Variants in TRUB1 observed in about 807,000 individuals in gnomAD.
TRUB1 encodes the protein pseudouridylate synthase TRUB1.
Under a neutral mutation model 33.9 loss-of-function variants are expected in TRUB1, and 23 were observed. That is an observed-to-expected ratio of 0.68 (90% CI 0.49 to 0.96). The LOEUF (loss-of-function observed/expected upper bound fraction) is 0.96, where lower values mean the gene tolerates loss of function less well. TRUB1 is among the 40% of genes least tolerant of loss of function. The pLI, the probability that TRUB1 is intolerant of heterozygous loss-of-function variation, is 0.00. For synonymous variants in TRUB1, 163 were observed against 165.4 expected (o/e 0.99, Z 0.11); for missense variants, 378 against 422.2 (o/e 0.90, Z 0.92).
rs375970432 is a variant in TRUB1 at position 114,956,285 on chromosome 10, A to G, written c.442-3441A>G. ...ACATTGTAATGAATACAGTAGTAGA[A>G]TTCACGGTTCCCAGGTATACGTCTT... On this transcript the variant is annotated intron_variant, in intron 3 of 7. Transcript: ENST00000298746. 3.0e-4 allele frequency among the ~76,000 whole-genome samples: 46 copies of G among 152,334 alleles called. 1 individual carries two copies. In the East Asian group the frequency reaches 4.4e-3, roughly 15 times the overall value.
At chr10:114,947,364 C>T (rs2084215718) in intron 2 of TRUB1, among the ~76,000 whole-genome samples, 1 of 152,040 alleles carries the variant, frequency 6.6e-6, no homozygotes, top group East Asian at 1.9e-4. Flanking sequence ...AATTTGTTAA[C>T]AGTAGCAATA....
chr10:114,974,442 TG>T, intron 7 of TRUB1, 57 bp downstream of exon 7: 2 of 1,458,940 alleles, frequency 1.4e-6, no homozygotes, highest in Non-Finnish European at 1.9e-6. Flanking sequence ...CCTTTTCAAT[TG>T]GAAGAGGGAA....
chr10:114,944,165 C>T (rs1269595308), intron 2 of TRUB1, among the ~76,000 whole-genome samples: 2 of 151,840 alleles, frequency 1.3e-5, no homozygotes, highest in Admixed American at 6.6e-5. Context: ...GCCCCCTTCC[C>T]GACATATGAG....
intron 3 of TRUB1, among the ~76,000 whole-genome samples, chr10:114,958,156 A>G (rs1459015412): frequency 7.9e-5 from 12 of 152,202 alleles, no homozygotes; most frequent in Non-Finnish European, 5.9e-5. Flanking sequence ...AAATCCAGCC[A>G]GTTGACCCTG....
Position 114,975,428 on chromosome 10 carries a change from G to A in TRUB1, c.*49G>A. On this transcript the variant is annotated 3_prime_UTR_variant, in exon 8 of 8. Transcript: ENST00000298746. ...TTTCTAGTTGACATTTGAATCCTGT[G>A]TGCAGATGCAGAATGACAAGCTGCA... 2 of 1,466,206 alleles carry A rather than the reference G, an allele frequency of 1.4e-6. No homozygotes were observed. The highest frequency in any genetic ancestry group is 1.4e-5 in the African/African-American group (1 of 70,340). 90.8% of individuals were successfully genotyped at this position (1,466,206 alleles called of 1,614,324 possible).
chr10:114,958,546 T>C (rs1021663521), intron 3 of TRUB1, among the ~76,000 whole-genome samples: 2 of 152,220 alleles, frequency 1.3e-5, no homozygotes, highest in Non-Finnish European at 2.9e-5. Context: ...TAAGCTTATA[T>C]TTCTGCAAAG....
chr10:114,974,464 T>C, intron 7 of TRUB1, 79 bp downstream of exon 7: 1 of 1,292,322 alleles, frequency 7.7e-7, no homozygotes, highest in South Asian at 1.2e-5. Context: ...TTTTCCGTTT[T>C]TCTTATTTCT....
At chr10:114,968,608 T>C (rs1268132168) in intron 4 of TRUB1, among the ~76,000 whole-genome samples, 1 of 152,192 alleles carries the variant, frequency 6.6e-6, no homozygotes, top group East Asian at 1.9e-4. Flanking sequence ...TGAGAAACAG[T>C]ATGAACAGAT....
rs565137248 is a variant in TRUB1, at chr10:114,950,008, C to A, written c.386-1086C>A. ...CTGCCTCTTGGGTTCAAGCGATTCT[C>A]CTGCCTTAGCCTCCCAAGTAGCTGG... On this transcript the variant is annotated intron_variant, in intron 2 of 7. Coordinates refer to ENST00000298746, the MANE Select transcript of TRUB1 (RefSeq NM_139169.5). Among the ~76,000 whole-genome samples the A allele has an allele frequency of 2.7e-5, 4 of 150,158 alleles. No individual in the cohort carries two copies. In the Admixed American group the frequency reaches 2.7e-4, roughly 10 times the overall value.
At chr10:114,959,188 A>C (rs951279739) in intron 3 of TRUB1, among the ~76,000 whole-genome samples, 1 of 152,190 alleles carries the variant, frequency 6.6e-6, no homozygotes, top group Non-Finnish European at 1.5e-5. Flanking sequence ...TAATTCTGTG[A>C]CTATACTGGT....
chr10:114,973,531 C>T lies in TRUB1; in HGVS notation c.737-798C>T, dbSNP rs1034565108. Among the ~76,000 whole-genome samples, 4 of 152,078 alleles carry T rather than the reference C, an allele frequency of 2.6e-5. No homozygotes were observed. The East Asian group carries it at 5.8e-4, about 22-fold the overall frequency. Reference sequence around the variant, plus strand: ...CCAGGTGGTGAGTTTTGATTAATTCCCCCAAATGGCTTTATTTGTACCAGT... The same window carrying T: ...CCAGGTGGTGAGTTTTGATTAATTCTCCCAAATGGCTTTATTTGTACCAGT... On this transcript the variant is annotated intron_variant, in intron 6 of 7. Coordinates refer to ENST00000298746, the MANE Select transcript of TRUB1 (RefSeq NM_139169.5).
intron 1 of TRUB1, among the ~76,000 whole-genome samples, chr10:114,940,972 A>G (rs1438923691): frequency 6.6e-6 from 1 of 152,202 alleles, no homozygotes; most frequent in Non-Finnish European, 1.5e-5. Flanking sequence ...CTGACTCAGT[A>G]GAGTGGTAAT....
At chr10:114,946,622 G>C (rs1423736837) in intron 2 of TRUB1, among the ~76,000 whole-genome samples, 3 of 152,248 alleles carry the variant, frequency 2.0e-5, no homozygotes, top group Non-Finnish European at 4.4e-5. Context: ...GATTACAGGT[G>C]TGAGCCACCA....
chr10:114,945,911 CAG>C (rs1219527154), intron 2 of TRUB1, among the ~76,000 whole-genome samples: 1 of 152,106 alleles, frequency 6.6e-6, no homozygotes, highest in Non-Finnish European at 1.5e-5. Context: ...TTTGATCACA[CAG>C]GGAATTTTAT....
At chr10:114,967,211 C>T (rs1404097795) in intron 4 of TRUB1, among the ~76,000 whole-genome samples, 2 of 152,176 alleles carry the variant, frequency 1.3e-5, no homozygotes, top group South Asian at 2.1e-4. Context: ...ACGTTCCCCT[C>T]TCTGTCCCAC....
At chr10:114,973,410 T>G (rs1039568285) in intron 6 of TRUB1, among the ~76,000 whole-genome samples, 1 of 152,194 alleles carries the variant, frequency 6.6e-6, no homozygotes, top group Non-Finnish European at 1.5e-5. Flanking sequence ...GCAAGAGTGC[T>G]AGCGCGCCTG....
chr10:114,963,088 C>A (rs1357887419), intron 4 of TRUB1, among the ~76,000 whole-genome samples: 1 of 152,178 alleles, frequency 6.6e-6, no homozygotes, highest in Admixed American at 6.5e-5. Context: ...GTGGACCAAG[C>A]ATCCGGGAAG....
chr10:114,953,724 G>A (rs1321495637), intron 3 of TRUB1, among the ~76,000 whole-genome samples: 2 of 152,172 alleles, frequency 1.3e-5, no homozygotes, highest in Admixed American at 1.3e-4. Flanking sequence ...TGGTTCTGAA[G>A]TCTGTACAAG....
rs141439536 is a variant in TRUB1, at chr10:114,976,255, T to G, written c.*876T>G. The G allele has an allele frequency of 1.1e-3, 168 of 152,354 alleles. No individual in the cohort carries two copies. Among genetic ancestry groups the G allele is most frequent in the African/African-American group, 3.9e-3 (164 of 41,568 alleles). 9.4% of individuals were successfully genotyped at this position (152,354 alleles called of 1,614,324 possible). A position where few individuals can be genotyped will look rare whatever the true frequency, so the allele number is the denominator to read the frequency against. ...GGGTGTTCCCTGTGACATTGTCTCT[T>G]TAGTTTGCTCTTTCAAGAGATACTT... On this transcript the variant is annotated 3_prime_UTR_variant, in exon 8 of 8. Transcript: ENST00000298746.
Sources: allele counts gnomAD v4.1 joint callset (sites outside exome capture counted in the v4.1 genomes callset), GRCh38; gene constraint gnomAD v4.1.1; transcripts MANE v1.5; gene names NCBI Gene and HGNC (gene_info 2026-07-23, HGNC 2026-07-21).